Variants in NTM observed in about 807,000 individuals in gnomAD.
The protein encoded by NTM is IgLON family member 2.
A neutral mutation model predicts 42.1 loss-of-function variants in NTM; 13 were observed. The ratio of observed to expected loss-of-function variants is 0.31; its 90% CI spans 0.20 to 0.49. The LOEUF (loss-of-function observed/expected upper bound fraction) is 0.49, where lower values mean the gene tolerates loss of function less well. Among genes scored for constraint, NTM ranks in the 20% least tolerant of loss-of-function variants. NTM has a pLI of 0.99. For synonymous variants in NTM, 187 were observed against 179.2 expected, an observed-to-expected ratio of 1.04 and a Z score of -0.35; for missense variants, 373 against 452.8, an observed-to-expected ratio of 0.82 and a Z score of 1.60.
At chr11:131,900,934 T>G (rs758651859) in intron 1 of NTM, among the ~76,000 whole-genome samples, 2 of 152,204 alleles carry the variant, frequency 1.3e-5, no homozygotes, top group Non-Finnish European at 2.9e-5. Flanking sequence ...TTGGCAAAAA[T>G]TCCTGATACC....
intron 4 of NTM, among the ~76,000 whole-genome samples, chr11:132,273,497 C>G (rs1018154465): frequency 9.2e-5 from 14 of 152,044 alleles, no homozygotes; most frequent in African/African-American, 3.1e-4. Flanking sequence ...TAATAGGTAT[C>G]AGTTCTTCAA....
chr11:131,635,478 A>G (rs1033576661), intron 1 of NTM, among the ~76,000 whole-genome samples: 1 of 152,202 alleles, frequency 6.6e-6, no homozygotes, highest in Admixed American at 6.5e-5. Flanking sequence ...AACTTACAGA[A>G]TAAGGATATA....
chr11:132,164,897 A>G lies in NTM; in HGVS notation c.400+18383A>G, dbSNP rs1008455691. Among the ~76,000 whole-genome samples, 4 of 152,168 alleles carry G rather than the reference A, an allele frequency of 2.6e-5. No homozygotes were observed. The East Asian group carries it at 7.7e-4, about 29-fold the overall frequency. ...CATGGAGATTGGAGCTTACTCCCTA[A>G]GGACATTGTCTCTCAGCTCATGCAA... On this transcript the variant is annotated intron_variant, in intron 3 of 8. Coordinates refer to ENST00000683400, the MANE Select transcript of NTM (RefSeq NM_001352005.2).
intron 1 of NTM, among the ~76,000 whole-genome samples, chr11:131,886,633 C>T (rs1291984331): frequency 6.6e-6 from 1 of 152,198 alleles, no homozygotes; most frequent in Admixed American, 6.5e-5. Flanking sequence ...CTTGTGTCTC[C>T]TTCTGTTTCC....
chr11:131,735,860 G>GTGTGTGTA (rs1331482087), intron 1 of NTM, among the ~76,000 whole-genome samples: 1 of 151,830 alleles, frequency 6.6e-6, no homozygotes, highest in African/African-American at 2.4e-5. Context: ...GTGTGTGTGT[G>GTGTGTGTA]TGTGTGTGTG....
intron 1 of NTM, among the ~76,000 whole-genome samples, chr11:131,814,270 C>G (rs906312107): frequency 3.9e-5 from 6 of 152,128 alleles, no homozygotes; most frequent in African/African-American, 1.4e-4. Context: ...CCCTTTCTGG[C>G]TACTCAGCTG....
intron 1 of NTM, among the ~76,000 whole-genome samples, chr11:131,726,713 TTTTG>T (rs1335328858): frequency 6.6e-6 from 1 of 151,010 alleles, no homozygotes; most frequent in Non-Finnish European, 1.5e-5. Context: ...CATTGCTCTT[TTTTG>T]TTTGTTTTGT....
intron 1 of NTM, among the ~76,000 whole-genome samples, chr11:131,453,962 A>G (rs1055976555): frequency 6.6e-6 from 1 of 152,202 alleles, no homozygotes; most frequent in South Asian, 2.1e-4. Context: ...GCAACCTTCC[A>G]GCATCATTTC....
At chr11:131,603,524 A>T (rs923169007) in intron 1 of NTM, among the ~76,000 whole-genome samples, 1 of 152,110 alleles carries the variant, frequency 6.6e-6, no homozygotes, top group African/African-American at 2.4e-5. Context: ...AATCAGCTTG[A>T]TTGAGATATA....
At chr11:131,451,923 A>G (rs1375785023) in intron 1 of NTM, among the ~76,000 whole-genome samples, 1 of 152,120 alleles carries the variant, frequency 6.6e-6, no homozygotes, top group East Asian at 1.9e-4. Context: ...AGGGAGGGGC[A>G]TGAGGCTGTG....
In NTM at chr11:131,557,075, G is replaced by C. The variant is rs958281170; in HGVS notation, c.82+186187G>C. 5.3e-5 allele frequency among the ~76,000 whole-genome samples: 8 copies of C among 151,984 alleles called. No individual in the cohort carries two copies. The East Asian group carries it at 1.4e-3, about 26-fold the overall frequency. Reference sequence around the variant, plus strand: ...TGTAACTTTTTTTCTTTTTTTAACAGTGTGTCATGACAGCCAGAGGCAGGC... The same window carrying C: ...TGTAACTTTTTTTCTTTTTTTAACACTGTGTCATGACAGCCAGAGGCAGGC... On this transcript the variant is annotated intron_variant, in intron 1 of 8. Transcript: ENST00000683400.
At chr11:132,294,401 G>A (rs190150610) in intron 4 of NTM, among the ~76,000 whole-genome samples, 1 of 151,830 alleles carries the variant, frequency 6.6e-6, no homozygotes, top group Admixed American at 6.5e-5. Context: ...TGCCATTCAA[G>A]TCTTAGAGTG....
rs144893915 is a variant in NTM, at chr11:132,148,028, G to C, written c.400+1514G>C. 9.4e-3 allele frequency among the ~76,000 whole-genome samples: 1,428 copies of C among 152,268 alleles called. 13 individuals carry two copies. The highest frequency in any genetic ancestry group is 0.033 in the African/African-American group (1,356 of 41,542). On this transcript the variant is annotated intron_variant, in intron 3 of 8. Transcript: ENST00000683400. Reference sequence around the variant, plus strand: ...TGCTGGACCTGGCTGTGGGCAGAACGTATGCCAGGGGACATGGGAATCCTT... The same window carrying C: ...TGCTGGACCTGGCTGTGGGCAGAACCTATGCCAGGGGACATGGGAATCCTT...
intron 1 of NTM, among the ~76,000 whole-genome samples, chr11:131,789,782 C>T (rs534028823): frequency 0.027 from 3,453 of 127,734 alleles, 137 homozygotes; most frequent in African/African-American, 0.093. Context: ...CGGTGAAACC[C>T]CGTCTCTACT....
intron 1 of NTM, among the ~76,000 whole-genome samples, chr11:131,409,351 A>G (rs756540189): frequency 1.3e-5 from 2 of 152,172 alleles, no homozygotes; most frequent in Non-Finnish European, 2.9e-5. Context: ...CTGGGCTACA[A>G]AGAGGTGTTG....
chr11:131,436,747 T>C (rs942284077), intron 1 of NTM, among the ~76,000 whole-genome samples: 4 of 152,204 alleles, frequency 2.6e-5, no homozygotes, highest in Non-Finnish European at 5.9e-5. Flanking sequence ...CCTAGATTCA[T>C]TGATTTTTTT....
intron 4 of NTM, among the ~76,000 whole-genome samples, chr11:132,229,491 T>A (rs2087017804): frequency 6.6e-6 from 1 of 152,238 alleles, no homozygotes; most frequent in Admixed American, 6.5e-5. Flanking sequence ...ATCCATATAG[T>A]TTATATTTTT....
chr11:131,476,958 G>GT (rs1953006138), intron 1 of NTM, among the ~76,000 whole-genome samples: 1 of 152,264 alleles, frequency 6.6e-6, no homozygotes, highest in Middle Eastern at 3.4e-3. Flanking sequence ...GTGGATGAAA[G>GT]TGAGGAACTT....
At chr11:132,228,230 C>T (rs2086725203) in intron 4 of NTM, among the ~76,000 whole-genome samples, 1 of 152,154 alleles carries the variant, frequency 6.6e-6, no homozygotes, top group African/African-American at 2.4e-5. Context: ...AATACCTCTG[C>T]TCTACGTAGG....
Sources: allele counts gnomAD v4.1 joint callset (sites outside exome capture counted in the v4.1 genomes callset), GRCh38; gene constraint gnomAD v4.1.1; transcripts MANE v1.5; gene names NCBI Gene and HGNC (gene_info 2026-07-23, HGNC 2026-07-21).